IGFBP3: variants seen among roughly 807,000 people sequenced by gnomAD.
IGFBP3 encodes the protein insulin like growth factor binding protein 3, also known as insulin-like growth factor-binding protein 3.
In IGFBP3, 9 loss-of-function variants were observed where a neutral mutation model predicts 28.6. That is an observed-to-expected ratio of 0.31 (90% CI 0.19 to 0.55). The LOEUF (loss-of-function observed/expected upper bound fraction) is 0.55, where lower values mean the gene tolerates loss of function less well. Ranked by LOEUF, IGFBP3 falls within the 20% of genes least tolerant of loss-of-function variation. The pLI, the probability that IGFBP3 is intolerant of heterozygous loss-of-function variation, is 0.93. For missense variants in IGFBP3, 382 were observed against 428.9 expected (o/e 0.89, Z 0.97); for synonymous variants, 185 against 188.2 (o/e 0.98, Z 0.14).
rs35683959 is a variant in IGFBP3, at chr7:45,918,314, A to G, written c.404-875T>C. 2.6e-3 allele frequency among the ~76,000 whole-genome samples: 390 copies of G among 152,324 alleles called. 3 individuals carry two copies. Among genetic ancestry groups the G allele is most frequent in the African/African-American group, 9.0e-3 (375 of 41,582 alleles). On this transcript the variant is annotated intron_variant, in intron 1 of 4. Transcript: ENST00000613132. ...GGTGGGGTAGGAGAAATCCCCCTCC[A>G]GCAGATCTCCCTTTTATAATAAAAA...
chr7:45,919,015 T>C lies in IGFBP3; in HGVS notation c.404-1576A>G, dbSNP rs149700097. Among the ~76,000 whole-genome samples, 422 of 152,334 alleles carry C rather than the reference T, an allele frequency of 2.8e-3. 2 individuals are homozygous for C. Among genetic ancestry groups the C allele is most frequent in the African/African-American group, 9.7e-3 (405 of 41,572 alleles). On this transcript the variant is annotated intron_variant, in intron 1 of 4. Coordinates refer to ENST00000613132, the MANE Select transcript of IGFBP3 (RefSeq NM_000598.5). The stretch of plus-strand genomic sequence containing the variant: ...AAAGAGATACTAAGAATGTAAATAC[T>C]CTAAGAACATGTAAATAAACGTATT...
intron 1 of IGFBP3, among the ~76,000 whole-genome samples, chr7:45,918,488 G>A (rs1203513702): frequency 1.3e-5 from 2 of 152,242 alleles, no homozygotes; most frequent in Non-Finnish European, 2.9e-5. Context: ...TGGAGGGGCT[G>A]TAAGACCGCT....
At position 45,914,960 on chromosome 7, in the gene IGFBP3, C is replaced by G. The variant is rs1383367729; in HGVS notation, c.751-15G>C. 1 of 1,613,420 alleles carries G rather than the reference C, an allele frequency of 6.2e-7. No homozygotes were observed. The highest frequency in any genetic ancestry group is 8.5e-7 in the Non-Finnish European group (1 of 1,179,808). Reference sequence around the variant, plus strand: ...GAAGGGCGACACTGTGGGAGAGAAACAGAAGACAGAGAAGTGAATGCTCCT... The same window carrying G: ...GAAGGGCGACACTGTGGGAGAGAAAGAGAAGACAGAGAAGTGAATGCTCCT... On this transcript the variant is annotated splice_polypyrimidine_tract_variant and intron_variant, in intron 3 of 4. Transcript: ENST00000613132.
In IGFBP3 at chr7:45,912,902, T is replaced by G. The variant is rs1204727832; in HGVS notation, c.*948A>C. On this transcript the variant is annotated 3_prime_UTR_variant, in exon 5 of 5. Transcript: ENST00000613132. ...TCTGATATTACTATTCTTTTTTACA[T>G]TGTGCTAAGGAGGACAAAAGATGAG... is the stretch of plus-strand genomic sequence containing the variant. 1 of 152,420 alleles carries G rather than the reference T, an allele frequency of 6.6e-6. No individual in the cohort carries two copies. The highest frequency in any genetic ancestry group is 1.9e-4 in the East Asian group (1 of 5,198). 9.4% of individuals were successfully genotyped at this position (152,420 alleles called of 1,614,324 possible). A position where few individuals can be genotyped will look rare whatever the true frequency, so the allele number is the denominator to read the frequency against.
At chr7:45,919,224 T>G (rs1294465797) in intron 1 of IGFBP3, among the ~76,000 whole-genome samples, 1 of 152,200 alleles carries the variant, frequency 6.6e-6, no homozygotes, top group African/African-American at 2.4e-5. Context: ...ACTTAGATCT[T>G]TTTATAATCT....
intron 3 of IGFBP3, among the ~76,000 whole-genome samples, chr7:45,916,020 C>T (rs1484103687): frequency 2.6e-5 from 4 of 152,206 alleles, no homozygotes; most frequent in Non-Finnish European, 4.4e-5. Context: ...CAGAGACACA[C>T]GAGTCACCAA....
chr7:45,916,950 T>C, intron 2 of IGFBP3: 1 of 564,618 alleles, frequency 1.8e-6, no homozygotes, highest in Non-Finnish European at 3.2e-6. Flanking sequence ...TATGAGAATA[T>C]TTTTCATTAT....
chr7:45,919,692 C>G (rs1256072896), intron 1 of IGFBP3, among the ~76,000 whole-genome samples: 1 of 152,198 alleles, frequency 6.6e-6, no homozygotes, highest in Non-Finnish European at 1.5e-5. Flanking sequence ...CTGTGCAAGG[C>G]AGGAACTTTA....
chr7:45,920,694 T>C (rs963873745), intron 1 of IGFBP3, 44 bp downstream of exon 1: 2 of 1,331,062 alleles, frequency 1.5e-6, no homozygotes, highest in African/African-American at 1.5e-5. Context: ...TCGGCGCCAG[T>C]GCGCCGGGTG....
At chr7:45,916,841 C>T (rs1174641541) in intron 2 of IGFBP3, among the ~76,000 whole-genome samples, 174 bp from the exon 3 acceptor site, 2 of 152,192 alleles carry the variant, frequency 1.3e-5, no homozygotes, top group African/African-American at 4.8e-5. Flanking sequence ...CCATCACTCC[C>T]TGTCTCCTTT....
At chr7:45,917,110 C>A in intron 2 of IGFBP3, 103 bp downstream of exon 2, 1 of 922,740 alleles carries the variant, frequency 1.1e-6, no homozygotes. Flanking sequence ...ACCCATCAGC[C>A]AGGCGCTGGG....
At chr7:45,920,300 A>T (rs894512116) in intron 1 of IGFBP3, 1 of 176,434 alleles carries the variant, frequency 5.7e-6, no homozygotes, top group South Asian at 2.0e-4. Flanking sequence ...GAGAGGTACT[A>T]TTTCCTACAA....
chr7:45,920,721 T>A lies in IGFBP3; in HGVS notation c.403+17A>T. The A allele has an allele frequency of 7.2e-7, 1 of 1,385,442 alleles. No homozygotes were observed. The highest frequency in any genetic ancestry group is 3.1e-5 in the East Asian group (1 of 32,572). The allele number at this position is 1,385,442 out of a possible 1,614,324, so 85.8% of individuals were successfully genotyped here. A position where few individuals can be genotyped will look rare whatever the true frequency, so the allele number is the denominator to read the frequency against. On this transcript the variant is annotated intron_variant, in intron 1 of 4. Transcript: ENST00000613132. ...CGCCGGGTGCTGCACGCAGCGCACCTGGCGCGGGCGGCTCACCTGGAGCTG... is the reference window on the plus strand; with the variant it reads ...CGCCGGGTGCTGCACGCAGCGCACCAGGCGCGGGCGGCTCACCTGGAGCTG...
intron 1 of IGFBP3, 168 bp downstream of exon 1, chr7:45,920,570 C>G: frequency 1.7e-6 from 1 of 585,224 alleles, no homozygotes; most frequent in African/African-American, 1.9e-5. Context: ...GGGGAGGGTC[C>G]CTCCGGCGAC....
chr7:45,918,027 G>A (rs973313287), intron 1 of IGFBP3, among the ~76,000 whole-genome samples: 6 of 152,322 alleles, frequency 3.9e-5, no homozygotes, highest in African/African-American at 1.4e-4. Flanking sequence ...AGCTCAGATG[G>A]GAAAACTGAA....
intron 4 of IGFBP3, chr7:45,914,451 T>C (rs1184082159): frequency 6.2e-6 from 1 of 162,124 alleles, no homozygotes; most frequent in Non-Finnish European, 1.3e-5. Context: ...GGTTTCTCTG[T>C]GAAGATAAAT....
At chr7:45,917,758 C>CGGCAGG (rs1217413543) in intron 1 of IGFBP3, among the ~76,000 whole-genome samples, 2 of 152,184 alleles carry the variant, frequency 1.3e-5, no homozygotes, top group African/African-American at 2.4e-5. Context: ...CATCTTCCAC[C>CGGCAGG]GGCAGGGGGC....
At chr7:45,919,078 A>G (rs1202993496) in intron 1 of IGFBP3, among the ~76,000 whole-genome samples, 1 of 152,192 alleles carries the variant, frequency 6.6e-6, no homozygotes, top group Non-Finnish European at 1.5e-5. Flanking sequence ...AATTTCTTAA[A>G]TTTCCTTGGT....
In IGFBP3 at chr7:45,921,205, G is replaced by A. The variant is rs1314780689; in HGVS notation, c.-65C>T. ...GCGCAGGGATGGGGCGACAGTACAC[G>A]GCGCGAAGCTGTGGAATCCAGGCAG... On this transcript the variant is annotated 5_prime_UTR_variant, in exon 1 of 5. Coordinates refer to ENST00000613132, the MANE Select transcript of IGFBP3 (RefSeq NM_000598.5). 3.4e-6 allele frequency: 5 copies of A among 1,475,264 alleles called. No individual in the cohort carries two copies. In the Admixed American group the frequency reaches 6.0e-5, roughly 18 times the overall value. The allele number at this position is 1,475,264 out of a possible 1,614,324, so 91.4% of individuals were successfully genotyped here.
Sources: allele counts gnomAD v4.1 joint callset (sites outside exome capture counted in the v4.1 genomes callset), GRCh38; gene constraint gnomAD v4.1.1; transcripts MANE v1.5; gene names NCBI Gene and HGNC (gene_info 2026-07-23, HGNC 2026-07-21).